The following ADIPOR2 variants were observed in gnomAD, a reference collection of about 807,000 sequenced individuals.
ADIPOR2 encodes the protein adiponectin receptor protein 2.
In ADIPOR2, 18 loss-of-function variants were observed where a neutral mutation model predicts 40.9. The observed-to-expected ratio is 0.44, with a 90% confidence interval of 0.30 to 0.65. The LOEUF is 0.65. Ranked by LOEUF, ADIPOR2 falls within the 30% of genes least tolerant of loss-of-function variation. The pLI, the probability that ADIPOR2 is intolerant of heterozygous loss-of-function variation, is 0.09. For synonymous variants in ADIPOR2, 165 were observed against 166.4 expected (o/e 0.99, Z 0.06); for missense variants, 283 against 479.2 (o/e 0.59, Z 3.82).
intron 1 of ADIPOR2, among the ~76,000 whole-genome samples, chr12:1,744,303 A>C (rs745711326): frequency 1.7e-4 from 26 of 151,998 alleles, no homozygotes; most frequent in Non-Finnish European, 3.2e-4. Context: ...ACAGGGTTTC[A>C]CCACGTTAGC....
At chr12:1,697,004 A>G (rs1024875693) in intron 1 of ADIPOR2, 1 of 152,382 alleles carries the variant, frequency 6.6e-6, no homozygotes, top group African/African-American at 2.4e-5. Flanking sequence ...AGGTGATGAA[A>G]TGCATGTTTA....
Position 1,784,092 on chromosome 12 carries a change from C to CT in ADIPOR2, c.1032+20dup. 1.3e-6 allele frequency: 2 copies of CT among 1,557,200 alleles called. No individual in the cohort carries two copies. Among genetic ancestry groups the CT allele is most frequent in the South Asian group, 2.4e-5 (2 of 82,620 alleles). On this transcript the variant is annotated intron_variant, in intron 7 of 7. Transcript: ENST00000357103. ...CATCTGGGTAAGTATGTCGGGGTGA[C>CT]TGAGTGTGTAGGTATCTGCTCATGA...
intron 1 of ADIPOR2, among the ~76,000 whole-genome samples, chr12:1,749,154 G>A (rs566960085): frequency 1.1e-4 from 16 of 152,306 alleles, no homozygotes; most frequent in African/African-American, 2.9e-4. Context: ...GCAGGGCTAC[G>A]TATGGGGGAA....
At chr12:1,733,242 T>C (rs1346859576) in intron 1 of ADIPOR2, among the ~76,000 whole-genome samples, 1 of 152,198 alleles carries the variant, frequency 6.6e-6, no homozygotes, top group Non-Finnish European at 1.5e-5. Context: ...GAACTTTATG[T>C]AATAGTTTAT....
At chr12:1,757,035 G>A (rs577826553) in intron 2 of ADIPOR2, among the ~76,000 whole-genome samples, 3 of 152,228 alleles carry the variant, frequency 2.0e-5, no homozygotes, top group South Asian at 2.1e-4. Flanking sequence ...ACTGTGTCAC[G>A]ATTAGATTTT....
intron 1 of ADIPOR2, among the ~76,000 whole-genome samples, chr12:1,713,136 C>T (rs868431037): frequency 7.9e-5 from 12 of 152,062 alleles, no homozygotes; most frequent in South Asian, 2.1e-4. Flanking sequence ...TAAGTTGGGA[C>T]GTGTGATCTG....
chr12:1,773,161 G>T (rs1331697866), intron 3 of ADIPOR2, among the ~76,000 whole-genome samples, 200 bp downstream of exon 3: 1 of 152,120 alleles, frequency 6.6e-6, no homozygotes, highest in Non-Finnish European at 1.5e-5. Context: ...CCATGATAAA[G>T]CTCTGATAAA....
At position 1,786,055 on chromosome 12, in the gene ADIPOR2, G is replaced by A. The variant is rs767407914; in HGVS notation, c.1144G>A (p.Glu382Lys). Reference protein sequence around the residue: ...FRFMIGGGCSEEDAL With the variant: ...FRFMIGGGCSKEDAL ...TTTCATGATCGGCGGGGGCTGCAGT[G>A]AAGAGGATGCACTGTGATACCTACC... The change falls in exon 8 of 8, where the codon GAA becomes AAA. Residue 382 changes from glutamate to lysine, a missense_variant. Around this residue, in one of 3 missense-constraint regions of ADIPOR2, gnomAD observed 106 missense variants for 149.7 expected, o/e 0.71. Coordinates refer to ENST00000357103, the MANE Select transcript of ADIPOR2 (RefSeq NM_024551.3). The A allele has an allele frequency of 1.2e-6, 2 of 1,613,980 alleles. No individual in the cohort carries two copies. Among genetic ancestry groups the A allele is most frequent in the Admixed American group, 1.7e-5 (1 of 60,026 alleles).
intron 1 of ADIPOR2, among the ~76,000 whole-genome samples, chr12:1,713,056 A>G (rs982657804): frequency 3.3e-5 from 5 of 152,134 alleles, no homozygotes; most frequent in African/African-American, 9.7e-5. Context: ...GAAGTGGCCT[A>G]GATCTTGGAC....
intron 1 of ADIPOR2, among the ~76,000 whole-genome samples, chr12:1,732,306 G>T (rs1366935088): frequency 6.6e-6 from 1 of 152,132 alleles, no homozygotes; most frequent in African/African-American, 2.4e-5. Context: ...TAAATACTCA[G>T]TGTTTCATCT....
intron 1 of ADIPOR2, among the ~76,000 whole-genome samples, chr12:1,742,364 A>T (rs2094744814): frequency 6.6e-6 from 1 of 152,220 alleles, no homozygotes; most frequent in Non-Finnish European, 1.5e-5. Flanking sequence ...AAGTGCTGGG[A>T]TTACAGGCGT....
At chr12:1,761,042 T>TA (rs1862257416) in intron 2 of ADIPOR2, 1 of 152,214 alleles carries the variant, frequency 6.6e-6, no homozygotes, top group Non-Finnish European at 1.5e-5. Flanking sequence ...TAACTTTTTT[T>TA]TACAGTATAT....
chr12:1,763,835 C>T (rs1000502057), intron 2 of ADIPOR2, among the ~76,000 whole-genome samples: 8 of 151,998 alleles, frequency 5.3e-5, no homozygotes, highest in African/African-American at 1.7e-4. Flanking sequence ...AAAAATTATC[C>T]GGGCCTGGTG....
intron 2 of ADIPOR2, among the ~76,000 whole-genome samples, chr12:1,764,557 A>AC (rs1491574016): frequency 6.6e-4 from 44 of 66,948 alleles, no homozygotes; most frequent in South Asian, 4.1e-3. Context: ...TTAAAGTATT[A>AC]AACACACACA....
rs1862634545 is a variant in ADIPOR2, at chr12:1,777,959, C to T, written c.397C>T (p.Arg133Trp). Reference sequence around the variant, plus strand: ...ACACCGGCCTCCTATGCCTTCTTTCCGGGCCTGTTTTAAGAGCATTTTCAG... The same window carrying T: ...ACACCGGCCTCCTATGCCTTCTTTCTGGGCCTGTTTTAAGAGCATTTTCAG... ...HGHRPPMPSF[R>W]ACFKSIFRIH... Residue 133 changes from arginine (R) to tryptophan (W), a missense_variant, in exon 4 of 8, where the codon CGG becomes TGG. Transcript: ENST00000357103. The T allele has an allele frequency of 5.0e-6, 8 of 1,614,014 alleles. No homozygotes were observed. The highest frequency in any genetic ancestry group is 2.2e-5 in the East Asian group (1 of 44,874).
At chr12:1,768,251 T>C (rs1411437044) in intron 2 of ADIPOR2, among the ~76,000 whole-genome samples, 1 of 152,222 alleles carries the variant, frequency 6.6e-6, no homozygotes, top group African/African-American at 2.4e-5. Context: ...TCCACTAACA[T>C]TTAAATACCT....
At chr12:1,705,359 A>AT (rs947835999) in intron 1 of ADIPOR2, among the ~76,000 whole-genome samples, 36 of 152,262 alleles carry the variant, frequency 2.4e-4, no homozygotes, top group African/African-American at 7.7e-4. Flanking sequence ...TTGTATTAGC[A>AT]TTTTTATGTA....
chr12:1,717,970 A>G (rs966581631), intron 1 of ADIPOR2, among the ~76,000 whole-genome samples: 1 of 152,144 alleles, frequency 6.6e-6, no homozygotes, highest in Non-Finnish European at 1.5e-5. Context: ...GTGACTTTAT[A>G]TTATAGTTTC....
intron 2 of ADIPOR2, among the ~76,000 whole-genome samples, chr12:1,755,238 C>T (rs889925734): frequency 8.6e-5 from 13 of 152,014 alleles, no homozygotes; most frequent in African/African-American, 3.1e-4. Flanking sequence ...TGCCACCACG[C>T]CTGGCTACTT....
Sources: gnomAD v4.1 joint callset for allele counts (sites outside exome capture counted in the v4.1 genomes callset) on GRCh38, gnomAD v4.1.1 for gene constraint, gnomAD v4.1.1 regional missense constraint, MANE v1.5 for transcripts, NCBI Gene and HGNC (gene_info 2026-07-23, HGNC 2026-07-21) for gene names.